Variants in RAB11FIP4 observed in about 807,000 individuals in gnomAD.
The protein encoded by RAB11FIP4 is rab11 family-interacting protein 4.
RAB11FIP4 carries 23 observed loss-of-function variants against 74.3 expected under a neutral mutation model. The ratio of observed to expected loss-of-function variants is 0.31; its 90% confidence interval spans 0.22 to 0.44. The LOEUF is 0.44. RAB11FIP4 is among the 20% of genes least tolerant of loss of function. The pLI is 1.00. For missense variants in RAB11FIP4, 630 were observed against 863.9 expected (o/e 0.73, Z 3.39); for synonymous variants, 360 against 359.9 (o/e 1.00, Z 0.00).
At chr17:31,409,126 G>C (rs1048704197) in intron 1 of RAB11FIP4, among the ~76,000 whole-genome samples, 1 of 152,160 alleles carries the variant, frequency 6.6e-6, no homozygotes, top group African/African-American at 2.4e-5. Flanking sequence ...GGAGCCAGTA[G>C]GGATAAGGGT....
chr17:31,474,875 C>CAAAACA (rs988037100), intron 3 of RAB11FIP4, among the ~76,000 whole-genome samples: 8 of 143,600 alleles, frequency 5.6e-5, no homozygotes, highest in African/African-American at 2.1e-4. Flanking sequence ...CAAAACAAAA[C>CAAAACA]AAAAAACAAA....
intron 3 of RAB11FIP4, among the ~76,000 whole-genome samples, chr17:31,454,593 G>A (rs1419520296): frequency 2.0e-5 from 3 of 151,958 alleles, no homozygotes; most frequent in Non-Finnish European, 4.4e-5. Context: ...TTCTTAAGAT[G>A]GAAACTCAGT....
rs896556558 is a variant in RAB11FIP4 at position 31,488,235 on chromosome 17, G to C, written c.337-29416G>C. 3 of 1,152,462 alleles carry C rather than the reference G, an allele frequency of 2.6e-6. No individual in the cohort carries two copies. In the African/African-American group the frequency reaches 4.9e-5, roughly 19 times the overall value. The allele number at this position is 1,152,462 out of a possible 1,614,324, so 71.4% of individuals were successfully genotyped here. A position where few individuals can be genotyped will look rare whatever the true frequency, so the allele number is the denominator to read the frequency against. On this transcript the variant is annotated intron_variant, in intron 3 of 14. Coordinates refer to ENST00000621161, the MANE Select transcript of RAB11FIP4 (RefSeq NM_032932.6). The stretch of plus-strand genomic sequence containing the variant: ...GCTTCCGCGCCTCTGCCGGGGAGCG[G>C]CCCGCGGATGCGCACCCCGCCAGCT...
chr17:31,487,786 TC>T (rs930498614), intron 3 of RAB11FIP4, among the ~76,000 whole-genome samples: 1 of 151,622 alleles, frequency 6.6e-6, no homozygotes, highest in East Asian at 2.0e-4. Context: ...ACTCCTGGAG[TC>T]CCAGCCAGGG....
chr17:31,429,971 CT>C (rs2071291277), intron 1 of RAB11FIP4, among the ~76,000 whole-genome samples: 1 of 152,064 alleles, frequency 6.6e-6, no homozygotes, highest in African/African-American at 2.4e-5. Context: ...ATGTCAATCT[CT>C]TTTTAGTTAA....
chr17:31,483,481 T>C (rs77596854), intron 3 of RAB11FIP4, among the ~76,000 whole-genome samples: 27,996 of 152,154 alleles, frequency 0.18, 2,657 homozygotes, highest in South Asian at 0.29. Context: ...TGATTTTAAA[T>C]ATTTTTAAAG....
chr17:31,503,189 C>T (rs912459294), intron 3 of RAB11FIP4, among the ~76,000 whole-genome samples: 8 of 151,654 alleles, frequency 5.3e-5, no homozygotes, highest in Admixed American at 2.0e-4. Context: ...TGTGCCACCA[C>T]GCCTGGCTAA....
Position 31,535,963 on chromosome 17 carries a change from T to C in RAB11FIP4, c.*4231T>C, listed in dbSNP as rs2072951941. 6.7e-6 allele frequency: 1 copy of C among 148,828 alleles called. No individual in the cohort carries two copies. The highest frequency in any genetic ancestry group is 2.1e-4 in the South Asian group (1 of 4,712). 9.2% of individuals were successfully genotyped at this position (148,828 alleles called of 1,614,324 possible). ...AAGGGAGTCCCAGCTCGTTCCCTGT[T>C]AGCCAAACCAGCATCCTACTCACAC... On this transcript the variant is annotated 3_prime_UTR_variant, in exon 15 of 15. Coordinates refer to ENST00000621161, the MANE Select transcript of RAB11FIP4 (RefSeq NM_032932.6).
At chr17:31,508,058 G>A (rs951454065) in intron 3 of RAB11FIP4, among the ~76,000 whole-genome samples, 3 of 152,138 alleles carry the variant, frequency 2.0e-5, no homozygotes, top group Non-Finnish European at 4.4e-5. Context: ...AAACTCCTGG[G>A]CTCAAGTGAT....
intron 3 of RAB11FIP4, among the ~76,000 whole-genome samples, chr17:31,459,151 T>C (rs2071609779): frequency 6.6e-6 from 1 of 152,080 alleles, no homozygotes; most frequent in Non-Finnish European, 1.5e-5. Flanking sequence ...CTACACCCCC[T>C]GCCCCGTGTC....
intron 3 of RAB11FIP4, among the ~76,000 whole-genome samples, chr17:31,515,952 C>T (rs917626750): frequency 6.6e-6 from 1 of 152,206 alleles, no homozygotes; most frequent in African/African-American, 2.4e-5. Context: ...GCACAAGCAA[C>T]GCTCAGAAGT....
At chr17:31,402,664 C>G (rs896481420) in intron 1 of RAB11FIP4, among the ~76,000 whole-genome samples, 145 of 150,196 alleles carry the variant, frequency 9.7e-4, no homozygotes, top group African/African-American at 3.5e-3. Flanking sequence ...CTTTGTCGCC[C>G]AGGCTGGCGT....
intron 1 of RAB11FIP4, among the ~76,000 whole-genome samples, chr17:31,426,064 G>A (rs981147256): frequency 2.0e-5 from 3 of 152,216 alleles, no homozygotes; most frequent in Non-Finnish European, 4.4e-5. Context: ...CAGGAAGGTC[G>A]AGACTCTTTG....
At chr17:31,466,172 G>A (rs982803326) in intron 3 of RAB11FIP4, among the ~76,000 whole-genome samples, 2 of 151,758 alleles carry the variant, frequency 1.3e-5, no homozygotes, top group Admixed American at 6.6e-5. Flanking sequence ...CCCAGCCCCT[G>A]ACTAATCTAC....
intron 1 of RAB11FIP4, among the ~76,000 whole-genome samples, chr17:31,421,083 T>TCAAACAAA (rs569253183): frequency 6.6e-6 from 1 of 152,238 alleles, no homozygotes; most frequent in African/African-American, 2.4e-5. Context: ...AAACTCCATC[T>TCAAACAAA]CAAACAAACA....
intron 3 of RAB11FIP4, chr17:31,487,921 CCCCGCGGCTCGGGTT>C: frequency 3.9e-6 from 2 of 510,810 alleles, no homozygotes; most frequent in South Asian, 8.4e-5. Flanking sequence ...CTGGGCCCCG[CCCCGCGGCTCGGGTT>C]CCGGGGCCGC....
intron 1 of RAB11FIP4, among the ~76,000 whole-genome samples, chr17:31,427,913 G>A (rs2071269175): frequency 6.6e-6 from 1 of 152,300 alleles, no homozygotes; most frequent in East Asian, 1.9e-4. Context: ...CATGGCTGGG[G>A]GGAGGGGGCA....
At chr17:31,401,273 T>C (rs1035371178) in intron 1 of RAB11FIP4, among the ~76,000 whole-genome samples, 2 of 104,966 alleles carry the variant, frequency 1.9e-5, no homozygotes, top group Non-Finnish European at 2.5e-5. Context: ...CTCTGTCTAA[T>C]TAAAAAAAAA....
intron 3 of RAB11FIP4, among the ~76,000 whole-genome samples, chr17:31,499,434 C>T (rs1199879080): frequency 1.3e-5 from 2 of 152,114 alleles, no homozygotes; most frequent in Admixed American, 1.3e-4. Context: ...CAGCTCACTG[C>T]AACCTCCTAC....
Sources: allele counts gnomAD v4.1 joint callset (sites outside exome capture counted in the v4.1 genomes callset), GRCh38; gene constraint gnomAD v4.1.1; transcripts MANE v1.5; gene names NCBI Gene and HGNC (gene_info 2026-07-23, HGNC 2026-07-21).